FUT9: variants seen among roughly 807,000 people sequenced by gnomAD.
FUT9 encodes the protein fucosyltransferase 9, also known as 4-galactosyl-N-acetylglucosaminide 3-alpha-L-fucosyltransferase 9.
In FUT9, 15 loss-of-function variants were observed where a neutral mutation model predicts 29.7. That is an observed-to-expected ratio of 0.51 (90% CI 0.34 to 0.78). The LOEUF (loss-of-function observed/expected upper bound fraction) is 0.78. Ranked by LOEUF, FUT9 falls within the 30% of genes least tolerant of loss-of-function variation. FUT9 has a pLI of 0.01. For synonymous variants in FUT9, 169 were observed against 153.7 expected (o/e 1.10, Z -0.74); for missense variants, 319 against 425.4 (o/e 0.75, Z 2.20).
chr6:96,017,759 CA>C (rs1364295089), intron 1 of FUT9, among the ~76,000 whole-genome samples: 2 of 152,064 alleles, frequency 1.3e-5, no homozygotes, highest in Non-Finnish European at 2.9e-5. Flanking sequence ...GTATTATTAT[CA>C]CTATAATTTG....
intron 2 of FUT9, among the ~76,000 whole-genome samples, chr6:96,165,290 T>A (rs1772994818): frequency 6.6e-6 from 1 of 151,198 alleles, no homozygotes; most frequent in African/African-American, 2.4e-5. Flanking sequence ...AATTAGCCGG[T>A]CGTGATGGTG....
intron 2 of FUT9, among the ~76,000 whole-genome samples, chr6:96,172,697 G>A (rs1230198781): frequency 2.6e-5 from 4 of 151,970 alleles, no homozygotes; most frequent in Non-Finnish European, 5.9e-5. Flanking sequence ...AGGCTGACGA[G>A]TAGCAGCAAA....
chr6:96,065,839 G>A (rs932289237), intron 1 of FUT9, among the ~76,000 whole-genome samples: 6 of 152,056 alleles, frequency 3.9e-5, no homozygotes, highest in South Asian at 2.1e-4. Context: ...GTTATGATCT[G>A]CAAGATAACA....
chr6:96,090,122 TAAGA>T (rs2127953544), intron 1 of FUT9, among the ~76,000 whole-genome samples: 1 of 152,146 alleles, frequency 6.6e-6, no homozygotes, highest in East Asian at 1.9e-4. Flanking sequence ...TTACGGCCCA[TAAGA>T]AAGAGTTAAC....
chr6:96,203,161 A>G lies in FUT9; in HGVS notation c.6A>G (p.Thr2=), dbSNP rs1410733899. ...TCTATTTCGTAGGAAAAATTATGAC[A>G]TCAACATCCAAAGGAATTCTTCGCC... is the stretch of plus-strand genomic sequence containing the variant. The part of the protein sequence containing the change: M[T]STSKGILRPF... Residue 2 remains threonine (T), a synonymous_variant, in exon 3 of 3, where the codon ACA becomes ACG. Coordinates refer to ENST00000302103, the MANE Select transcript of FUT9 (RefSeq NM_006581.4). 2.5e-6 allele frequency: 4 copies of G among 1,590,660 alleles called. No individual in the cohort carries two copies. Among genetic ancestry groups the G allele is most frequent in the Non-Finnish European group, 2.6e-6 (3 of 1,163,820 alleles).
intron 2 of FUT9, among the ~76,000 whole-genome samples, chr6:96,134,051 G>C (rs1468984725): frequency 6.6e-6 from 1 of 151,548 alleles, no homozygotes; most frequent in African/African-American, 2.4e-5. Flanking sequence ...AAGGTTTTCA[G>C]ACACATGAGT....
At chr6:96,165,665 G>C (rs1773002622) in intron 2 of FUT9, among the ~76,000 whole-genome samples, 1 of 152,048 alleles carries the variant, frequency 6.6e-6, no homozygotes, top group Non-Finnish European at 1.5e-5. Flanking sequence ...ACCCAGGCTG[G>C]AATGCAGTGG....
chr6:96,125,286 TG>T (rs904485854), intron 2 of FUT9, among the ~76,000 whole-genome samples: 5 of 152,202 alleles, frequency 3.3e-5, no homozygotes, highest in African/African-American at 1.2e-4. Flanking sequence ...AAAAGATCCA[TG>T]AGGCCTAATG....
At chr6:96,111,188 A>G (rs1283457591) in intron 1 of FUT9, among the ~76,000 whole-genome samples, 1 of 152,228 alleles carries the variant, frequency 6.6e-6, no homozygotes, top group Non-Finnish European at 1.5e-5. Flanking sequence ...AGGGCTTTCT[A>G]AAGACTGATG....
chr6:96,047,286 C>G (rs1233601014), intron 1 of FUT9, among the ~76,000 whole-genome samples: 2 of 152,216 alleles, frequency 1.3e-5, no homozygotes, highest in Non-Finnish European at 2.9e-5. Flanking sequence ...TCTCAGGCCT[C>G]TCTCAGAAGC....
chr6:96,153,001 C>A (rs1011515302), intron 2 of FUT9, among the ~76,000 whole-genome samples: 1 of 152,174 alleles, frequency 6.6e-6, no homozygotes, highest in Non-Finnish European at 1.5e-5. Context: ...CAATTAGGAA[C>A]AGTCCTAAAT....
chr6:96,058,098 G>A (rs1570771), intron 1 of FUT9, among the ~76,000 whole-genome samples: 6 of 151,588 alleles, frequency 4.0e-5, no homozygotes, highest in South Asian at 2.1e-4. Flanking sequence ...GCAGACGGGC[G>A]GTAACTGATC....
intron 1 of FUT9, among the ~76,000 whole-genome samples, chr6:96,085,161 G>A (rs984964222): frequency 3.3e-5 from 5 of 152,286 alleles, no homozygotes; most frequent in African/African-American, 9.6e-5. Context: ...GATATGCCAT[G>A]TACAGGGCAC....
intron 2 of FUT9, among the ~76,000 whole-genome samples, chr6:96,181,393 T>A (rs1012423438): frequency 6.6e-6 from 1 of 151,912 alleles, no homozygotes; most frequent in Non-Finnish European, 1.5e-5. Flanking sequence ...TAGGAAGCAT[T>A]TATGTTATAA....
intron 2 of FUT9, among the ~76,000 whole-genome samples, chr6:96,135,839 A>T (rs951080257): frequency 6.6e-6 from 1 of 151,856 alleles, no homozygotes; most frequent in Admixed American, 6.6e-5. Flanking sequence ...AATATAAAGT[A>T]GAAGGAATGG....
chr6:96,142,433 T>G (rs1772481040), intron 2 of FUT9, among the ~76,000 whole-genome samples: 1 of 152,186 alleles, frequency 6.6e-6, no homozygotes, highest in Admixed American at 6.5e-5. Flanking sequence ...ACAAAGCTGG[T>G]GCATCTTGCC....
chr6:96,041,891 A>G lies in FUT9; in HGVS notation c.-98+25679A>G, dbSNP rs370096424. ...GTTATTGTTCTAATACAGAAATAAGAGAATTACAATTATTATTTGTAGTAA... is the reference window on the plus strand; with the variant it reads ...GTTATTGTTCTAATACAGAAATAAGGGAATTACAATTATTATTTGTAGTAA... On this transcript the variant is annotated intron_variant, in intron 1 of 2. Coordinates refer to ENST00000302103, the MANE Select transcript of FUT9 (RefSeq NM_006581.4). 3.5e-4 allele frequency among the ~76,000 whole-genome samples: 54 copies of G among 152,348 alleles called. 1 individual carries two copies. The highest frequency in any genetic ancestry group is 1.3e-3 in the African/African-American group (52 of 41,578).
At chr6:96,124,476 T>C (rs1211134275) in intron 2 of FUT9, among the ~76,000 whole-genome samples, 1 of 152,170 alleles carries the variant, frequency 6.6e-6, no homozygotes, top group Non-Finnish European at 1.5e-5. Context: ...AAATCCATGC[T>C]TACATAGATT....
chr6:96,184,779 G>T (rs1296162069), intron 2 of FUT9, among the ~76,000 whole-genome samples: 1 of 152,000 alleles, frequency 6.6e-6, no homozygotes, highest in Non-Finnish European at 1.5e-5. Context: ...TCCTTCTGGA[G>T]TTGATTTCCA....
Sources: gnomAD v4.1 joint callset for allele counts (sites outside exome capture counted in the v4.1 genomes callset) on GRCh38, gnomAD v4.1.1 for gene constraint, MANE v1.5 for transcripts, NCBI Gene and HGNC (gene_info 2026-07-23, HGNC 2026-07-21) for gene names.